The following PAWR variants were observed in gnomAD, a reference collection of about 807,000 sequenced individuals.
PAWR encodes pro-apoptotic WT1 regulator.
A neutral mutation model predicts 32.0 loss-of-function variants in PAWR; 23 were observed. The ratio of observed to expected loss-of-function variants is 0.72; its 90% confidence interval spans 0.52 to 1.02. The LOEUF (loss-of-function observed/expected upper bound fraction) is 1.02, where lower values mean the gene tolerates loss of function less well. Among genes scored for constraint, PAWR ranks in the 50% least tolerant of loss-of-function variants. The pLI is 0.00. For missense variants in PAWR, 457 were observed against 437.7 expected, an observed-to-expected ratio of 1.04 and a Z score of -0.39; for synonymous variants, 226 against 187.1, an observed-to-expected ratio of 1.21 and a Z score of -1.70.
chr12:79,667,444 C>CG, intron 2 of PAWR, among the ~76,000 whole-genome samples: 1 of 152,162 alleles, frequency 6.6e-6, no homozygotes, highest in Non-Finnish European at 1.5e-5. Context: ...AACAAGACCA[C>CG]GGGGGATGCA....
intron 3 of PAWR, among the ~76,000 whole-genome samples, chr12:79,620,363 A>G (rs1158108742): frequency 6.6e-6 from 1 of 152,222 alleles, no homozygotes; most frequent in African/African-American, 2.4e-5. Context: ...AGTGGCTCAG[A>G]TCAGGGTATC....
intron 4 of PAWR, among the ~76,000 whole-genome samples, chr12:79,610,497 G>A (rs1874383163): frequency 6.6e-6 from 1 of 152,150 alleles, no homozygotes; most frequent in South Asian, 2.1e-4. Flanking sequence ...GGTTACCAAA[G>A]CAGTGACAGT....
chr12:79,586,334 T>TGATA lies in PAWR; in HGVS notation c.*6269_*6272dup, dbSNP rs1482513481. On this transcript the variant is annotated 3_prime_UTR_variant, in exon 7 of 7. Transcript: ENST00000328827. ...AATGTGGATTTCTTAGGCCTTTGAC[T>TGATA]GATAGCTTTAGGCTTTTGCACTACA... The TGATA allele has an allele frequency of 6.6e-6, 1 of 152,658 alleles. No homozygotes were observed. The highest frequency in any genetic ancestry group is 2.4e-5 in the African/African-American group (1 of 41,454). 9.5% of individuals were successfully genotyped at this position (152,658 alleles called of 1,614,324 possible). A position where few individuals can be genotyped will look rare whatever the true frequency, so the allele number is the denominator to read the frequency against.
At chr12:79,690,599 G>C (rs1878968481) in intron 1 of PAWR, 1 of 190,692 alleles carries the variant, frequency 5.2e-6, no homozygotes, top group Non-Finnish European at 1.1e-5. Context: ...GAAGGGAGGA[G>C]AGAGGACTGA....
At chr12:79,681,420 G>A (rs2136882569) in intron 2 of PAWR, among the ~76,000 whole-genome samples, 2 of 152,054 alleles carry the variant, frequency 1.3e-5, no homozygotes, top group Middle Eastern at 3.4e-3. Context: ...CCATAGTACT[G>A]CAGCCTGGGG....
chr12:79,587,965 A>AT lies in PAWR; in HGVS notation c.*4641dup. On this transcript the variant is annotated 3_prime_UTR_variant, in exon 7 of 7. Coordinates refer to ENST00000328827, the MANE Select transcript of PAWR (RefSeq NM_002583.4). ...ATTATCCAGATGTTTTTCCACAAAT[A>AT]TTTGGATTACCTGAATTAGCTGATT... 1 of 152,188 alleles carries AT rather than the reference A, an allele frequency of 6.6e-6. No homozygotes were observed. The highest frequency in any genetic ancestry group is 1.5e-5 in the Non-Finnish European group (1 of 67,876). The allele number at this position is 152,188 out of a possible 1,614,324, so 9.4% of individuals were successfully genotyped here.
At chr12:79,617,987 T>C (rs558885489) in intron 3 of PAWR, among the ~76,000 whole-genome samples, 10 of 152,340 alleles carry the variant, frequency 6.6e-5, no homozygotes, top group East Asian at 5.8e-4. Context: ...TGAGCACATG[T>C]TGATGCCATG....
chr12:79,601,182 C>T (rs1873946976), intron 4 of PAWR, among the ~76,000 whole-genome samples: 1 of 145,580 alleles, frequency 6.9e-6, no homozygotes, highest in South Asian at 2.2e-4. Context: ...AAATATGAGG[C>T]TGAAAAAGCA....
chr12:79,676,113 C>G (rs1878152803), intron 2 of PAWR, among the ~76,000 whole-genome samples: 1 of 151,840 alleles, frequency 6.6e-6, no homozygotes, highest in Non-Finnish European at 1.5e-5. Flanking sequence ...CAATGCTTTG[C>G]TTTCCTCACC....
intron 2 of PAWR, among the ~76,000 whole-genome samples, chr12:79,670,369 C>T (rs1400705129): frequency 2.6e-5 from 4 of 152,006 alleles, no homozygotes; most frequent in Non-Finnish European, 5.9e-5. Context: ...ATTATCAAAT[C>T]TGTTACTGAA....
At chr12:79,596,842 T>C in intron 4 of PAWR, 184 bp from the exon 5 acceptor site, 2 of 510,848 alleles carry the variant, frequency 3.9e-6, no homozygotes, top group Non-Finnish European at 3.4e-6. Context: ...AAAAGTACCA[T>C]TAATTCTTTC....
chr12:79,648,793 G>GGA (rs1555176091), intron 2 of PAWR, among the ~76,000 whole-genome samples: 1 of 120,416 alleles, frequency 8.3e-6, no homozygotes, highest in African/African-American at 4.7e-5. Flanking sequence ...ACAGGGGCTA[G>GGA]AAAAAAAAAA....
At chr12:79,650,648 T>C (rs956785195) in intron 2 of PAWR, among the ~76,000 whole-genome samples, 1 of 147,626 alleles carries the variant, frequency 6.8e-6, no homozygotes, top group African/African-American at 2.5e-5. Context: ...AGACAATATA[T>C]GAACAGGTGT....
Position 79,604,202 on chromosome 12 carries a change from G to A in PAWR, c.684-7544C>T, listed in dbSNP as rs183073316. On this transcript the variant is annotated intron_variant, in intron 4 of 6. Coordinates refer to ENST00000328827, the MANE Select transcript of PAWR (RefSeq NM_002583.4). ...AAAAAGTTTTTAACATTTTACTTAG[G>A]AATGTTAACATAAATCTCTAATACG... 4,863 of 971,770 alleles carry A rather than the reference G, an allele frequency of 5.0e-3. 18 individuals are homozygous for A. Among genetic ancestry groups the A allele is most frequent in the Non-Finnish European group, 5.7e-3 (4,637 of 817,402 alleles). 60.2% of individuals were successfully genotyped at this position (971,770 alleles called of 1,614,324 possible).
At chr12:79,625,931 G>A (rs564855602) in intron 2 of PAWR, among the ~76,000 whole-genome samples, 12 of 151,770 alleles carry the variant, frequency 7.9e-5, no homozygotes, top group Admixed American at 4.6e-4. Context: ...TTGGGAGTCC[G>A]AGGCAGGCGG....
intron 2 of PAWR, among the ~76,000 whole-genome samples, chr12:79,675,446 G>A (rs1213146299): frequency 2.6e-5 from 4 of 151,940 alleles, no homozygotes; most frequent in East Asian, 1.9e-4. Context: ...TATATTCATC[G>A]CAGCACTATT....
chr12:79,636,214 CAA>C (rs1294703652), intron 2 of PAWR, among the ~76,000 whole-genome samples: 1 of 152,012 alleles, frequency 6.6e-6, no homozygotes, highest in African/African-American at 2.4e-5. Flanking sequence ...GACTAAATAA[CAA>C]AAAGATTCAT....
At chr12:79,618,214 C>G (rs1245133839) in intron 3 of PAWR, among the ~76,000 whole-genome samples, 1 of 152,018 alleles carries the variant, frequency 6.6e-6, no homozygotes, top group Admixed American at 6.6e-5. Flanking sequence ...CTGCAACATC[C>G]GCCTCCAAGG....
intron 4 of PAWR, among the ~76,000 whole-genome samples, chr12:79,605,065 C>T (rs1431866865): frequency 3.3e-5 from 5 of 150,346 alleles, no homozygotes; most frequent in African/African-American, 1.3e-4. Context: ...TTTATATATA[C>T]TTTTTGTATC....
Sources: gnomAD v4.1 joint callset for allele counts (sites outside exome capture counted in the v4.1 genomes callset) on GRCh38, gnomAD v4.1.1 for gene constraint, MANE v1.5 for transcripts, NCBI Gene and HGNC (gene_info 2026-07-23, HGNC 2026-07-21) for gene names.